Variants in OSBPL9 observed in about 807,000 individuals in gnomAD.
OSBPL9 encodes oxysterol-binding protein-related protein 9.
Under a neutral mutation model 106.6 loss-of-function variants are expected in OSBPL9, and 40 were observed. That is an observed-to-expected ratio of 0.38 (90% CI 0.29 to 0.49). The LOEUF (loss-of-function observed/expected upper bound fraction) is 0.49. Among genes scored for constraint, OSBPL9 ranks in the 20% least tolerant of loss-of-function variants. The pLI is 0.97. For synonymous variants in OSBPL9, 269 were observed against 295.4 expected (o/e 0.91, Z 0.92); for missense variants, 609 against 887.2 (o/e 0.69, Z 3.98).
upstream of OSBPL9, among the ~76,000 whole-genome samples, chr1:51,576,426 G>A (rs12069921): frequency 0.16 from 24,145 of 152,198 alleles, 3,719 homozygotes; most frequent in African/African-American, 0.4. Flanking sequence ...GCCCTCATGG[G>A]GCTCCCTAAA....
chr1:51,763,181 T>C (rs1671886298), intron 11 of OSBPL9, among the ~76,000 whole-genome samples: 2 of 152,084 alleles, frequency 1.3e-5, no homozygotes, highest in Admixed American at 6.5e-5. Context: ...AATTTTTGTA[T>C]TTTTAGTAGA....
Position 51,655,687 on chromosome 1 carries a change from A to T in OSBPL9, c.162+3646A>T, listed in dbSNP as rs79975323. ...AAAATTCTGCCTACTACACAGCATG[A>T]CAGAGAAGAACCAAATATACCTGTG... On this transcript the variant is annotated intron_variant, in intron 2 of 23. Transcript: ENST00000428468. Among the ~76,000 whole-genome samples, 1,501 of 152,362 alleles carry T rather than the reference A, an allele frequency of 9.9e-3. 22 individuals carry two copies. The highest frequency in any genetic ancestry group is 0.033 in the African/African-American group (1,374 of 41,586).
chr1:51,665,882 T>C (rs1648352656), intron 2 of OSBPL9, among the ~76,000 whole-genome samples: 2 of 152,066 alleles, frequency 1.3e-5, no homozygotes, highest in Admixed American at 1.3e-4. Flanking sequence ...TTTTTTAGAG[T>C]CTCGCTCTGT....
At chr1:51,705,484 G>C (rs1415394967) in intron 3 of OSBPL9, among the ~76,000 whole-genome samples, 7 of 126,296 alleles carry the variant, frequency 5.5e-5, no homozygotes, top group Admixed American at 1.0e-4. Flanking sequence ...CGTGATCTCA[G>C]CTCACCACAA....
At chr1:51,527,034 G>T in the OSBPL9 span, among the ~76,000 whole-genome samples, 1 of 152,010 alleles carries the variant, frequency 6.6e-6, no homozygotes, top group East Asian at 1.9e-4. Flanking sequence ...ATGAGCCATC[G>T]CGCCTGGCCT....
At chr1:51,681,643 C>T (rs1652583044) in intron 3 of OSBPL9, among the ~76,000 whole-genome samples, 1 of 152,126 alleles carries the variant, frequency 6.6e-6, no homozygotes, top group South Asian at 2.1e-4. Flanking sequence ...AAAAATTGAA[C>T]TGCCATATGA....
chr1:51,770,469 G>A (rs1673624747), intron 12 of OSBPL9, among the ~76,000 whole-genome samples: 1 of 151,884 alleles, frequency 6.6e-6, no homozygotes, highest in Middle Eastern at 3.2e-3. Context: ...GTAGAGATGG[G>A]GTCTCACCAT....
intron 1 of OSBPL9, among the ~76,000 whole-genome samples, chr1:51,632,539 A>G (rs975877338): frequency 3.4e-5 from 4 of 117,618 alleles, no homozygotes; most frequent in Admixed American, 1.7e-4. Context: ...ATGATAAATA[A>G]TTTACATCAT....
chr1:51,785,724 A>G (rs759027905), intron 20 of OSBPL9, 84 bp from the exon 21 acceptor site: 60 of 1,156,278 alleles, frequency 5.2e-5, no homozygotes, highest in Non-Finnish European at 7.4e-5. Context: ...TCTGTGCTCT[A>G]CTCTGTAGTT....
the OSBPL9 span, among the ~76,000 whole-genome samples, chr1:51,559,100 C>G: frequency 2.0e-5 from 3 of 152,094 alleles, no homozygotes; most frequent in Admixed American, 6.6e-5. Context: ...GGAAAGTTGA[C>G]CATCTTACTA....
chr1:51,717,041 C>T (rs929385814), intron 4 of OSBPL9, among the ~76,000 whole-genome samples: 1 of 152,008 alleles, frequency 6.6e-6, no homozygotes, highest in Non-Finnish European at 1.5e-5. Flanking sequence ...TCACAGCTCA[C>T]TGCAACCTCT....
chr1:51,601,870 T>C (rs900246017), intron 2 of OSBPL9, among the ~76,000 whole-genome samples: 4 of 152,144 alleles, frequency 2.6e-5, no homozygotes, highest in Non-Finnish European at 5.9e-5. Context: ...GGTATTCTTA[T>C]CCTTAGTACC....
At chr1:51,714,146 GTTT>G in intron 4 of OSBPL9, 67 bp downstream of exon 4, 5 of 944,878 alleles carry the variant, frequency 5.3e-6, no homozygotes, top group South Asian at 2.0e-5. Context: ...TCTGTTTTCT[GTTT>G]TTTTTTTTTA....
chr1:51,630,898 CTATTTA>C (rs1230564464), intron 1 of OSBPL9, among the ~76,000 whole-genome samples: 5 of 152,058 alleles, frequency 3.3e-5, no homozygotes, highest in Non-Finnish European at 5.9e-5. Context: ...AAGCTCTTTT[CTATTTA>C]TAAGTTTTCT....
At chr1:51,609,797 G>C (rs960864294) in intron 2 of OSBPL9, among the ~76,000 whole-genome samples, 6 of 151,116 alleles carry the variant, frequency 4.0e-5, no homozygotes, top group African/African-American at 1.5e-4. Context: ...GCCCAGGCTG[G>C]AGTGCAGTGG....
At chr1:51,605,112 T>G (rs1021660377) in intron 2 of OSBPL9, among the ~76,000 whole-genome samples, 1 of 152,240 alleles carries the variant, frequency 6.6e-6, no homozygotes, top group African/African-American at 2.4e-5. Flanking sequence ...TAGAAAATGT[T>G]TGCCAACCCC....
chr1:51,630,305 A>C (rs1248003793), intron 1 of OSBPL9, among the ~76,000 whole-genome samples: 1 of 152,052 alleles, frequency 6.6e-6, no homozygotes, highest in Non-Finnish European at 1.5e-5. Flanking sequence ...GAGAAACAAG[A>C]CAAGGTTAGA....
intron 1 of OSBPL9, among the ~76,000 whole-genome samples, chr1:51,650,714 T>G (rs1037415998): frequency 2.0e-5 from 3 of 152,224 alleles, no homozygotes; most frequent in Non-Finnish European, 4.4e-5. Flanking sequence ...TTGGCTTGTT[T>G]TGCTGCTTTC....
intron 3 of OSBPL9, among the ~76,000 whole-genome samples, chr1:51,670,988 C>T (rs369905012): frequency 5.9e-5 from 9 of 152,186 alleles, no homozygotes; most frequent in Non-Finnish European, 7.4e-5. Context: ...TGTACCTCTA[C>T]CTTCTGATTT....
Sources: gnomAD v4.1 joint callset for allele counts (sites outside exome capture counted in the v4.1 genomes callset) on GRCh38, gnomAD v4.1.1 for gene constraint, MANE v1.5 for transcripts, NCBI Gene and HGNC (gene_info 2026-07-23, HGNC 2026-07-21) for gene names.